Variants in EYA3 observed in about 807,000 individuals in gnomAD.
The protein encoded by EYA3 is protein phosphatase EYA3.
A neutral mutation model predicts 80.0 loss-of-function variants in EYA3; 39 were observed. That is an observed-to-expected ratio of 0.49 (90% CI 0.38 to 0.64). The LOEUF is 0.64. Among genes scored for constraint, EYA3 ranks in the 30% least tolerant of loss-of-function variants. The pLI is 0.00. For missense variants in EYA3, 523 were observed against 676.1 expected, an observed-to-expected ratio of 0.77 and a Z score of 2.51; for synonymous variants, 206 against 232.8, an observed-to-expected ratio of 0.88 and a Z score of 1.05.
chr1:28,060,751 C>A (rs1644590701), intron 1 of EYA3, among the ~76,000 whole-genome samples: 1 of 152,172 alleles, frequency 6.6e-6, no homozygotes, highest in Admixed American at 6.5e-5. Flanking sequence ...CATGGTGGCT[C>A]ATGCCTGTAA....
At chr1:28,012,879 T>G (rs1289983135) in intron 9 of EYA3, among the ~76,000 whole-genome samples, 1 of 152,014 alleles carries the variant, frequency 6.6e-6, no homozygotes, top group Admixed American at 6.6e-5. Flanking sequence ...AGAGTACGAG[T>G]CAGAAAGAGT....
At chr1:28,056,588 A>G (rs1644446381) in intron 2 of EYA3, among the ~76,000 whole-genome samples, 1 of 152,232 alleles carries the variant, frequency 6.6e-6, no homozygotes. Flanking sequence ...ACAACCATTT[A>G]TAGTCAGCAG....
At chr1:27,987,061 G>A (rs924866888) in intron 16 of EYA3, among the ~76,000 whole-genome samples, 1 of 152,132 alleles carries the variant, frequency 6.6e-6, no homozygotes, top group African/African-American at 2.4e-5. Flanking sequence ...CAGATGTCTG[G>A]AACCTTTTCA....
At chr1:28,063,919 G>A (rs949279572) in intron 1 of EYA3, among the ~76,000 whole-genome samples, 26 of 151,896 alleles carry the variant, frequency 1.7e-4, no homozygotes, top group African/African-American at 6.0e-4. Context: ...AACTTTGGGG[G>A]GGAAGGTAGA....
At chr1:28,038,439 T>A (rs868464266) in intron 5 of EYA3, among the ~76,000 whole-genome samples, 6,191 of 68,256 alleles carry the variant, frequency 0.091, 304 homozygotes, top group Non-Finnish European at 0.12. Context: ...GATTCTATCT[T>A]AAAAAAAAAA....
Position 28,058,063 on chromosome 1 carries a change from G to T in EYA3, c.-37C>A. 6.5e-7 allele frequency: 1 copy of T among 1,535,490 alleles called. No homozygotes were observed. The highest frequency in any genetic ancestry group is 8.8e-7 in the Non-Finnish European group (1 of 1,133,376). On this transcript the variant is annotated 5_prime_UTR_variant, in exon 2 of 18. Coordinates refer to ENST00000373871, the MANE Select transcript of EYA3 (RefSeq NM_001990.4). ...TTTCTTTATTATACTTATGTGACTG[G>T]ATTGCAAGTCTCTCTCAGCAGTTTT...
chr1:28,029,325 T>C (rs944976471), intron 6 of EYA3, among the ~76,000 whole-genome samples: 2 of 152,240 alleles, frequency 1.3e-5, no homozygotes, highest in Admixed American at 1.3e-4. Flanking sequence ...TACTGTGATG[T>C]GTAAAGACAA....
intron 2 of EYA3, among the ~76,000 whole-genome samples, chr1:28,050,780 T>C (rs772193969): frequency 1.5e-4 from 23 of 152,166 alleles, no homozygotes; most frequent in Non-Finnish European, 2.4e-4. Flanking sequence ...ATGTACTAAC[T>C]AGGCAGTAGA....
At chr1:27,993,315 C>T in intron 14 of EYA3, 85 bp downstream of exon 14, 1 of 1,365,390 alleles carries the variant, frequency 7.3e-7, no homozygotes. Context: ...AAGCAGTTGT[C>T]ATGGGGAATC....
intron 2 of EYA3, among the ~76,000 whole-genome samples, chr1:28,050,083 G>A (rs1644180151): frequency 1.3e-5 from 2 of 150,590 alleles, no homozygotes; most frequent in Admixed American, 6.6e-5. Context: ...TTTTATTAGA[G>A]GTATAGAGCA....
At chr1:28,007,555 G>C (rs1279435816) in intron 10 of EYA3, among the ~76,000 whole-genome samples, 1 of 151,824 alleles carries the variant, frequency 6.6e-6, no homozygotes, top group Non-Finnish European at 1.5e-5. Context: ...GGCCGGTCTT[G>C]AACTCCTGAC....
In EYA3 at chr1:28,042,640, T is replaced by C. The variant is rs571957606; in HGVS notation, c.88A>G (p.Asn30Asp). 4 of 1,613,980 alleles carry C rather than the reference T, an allele frequency of 2.5e-6. No individual in the cohort carries two copies. Among genetic ancestry groups the C allele is most frequent in the Non-Finnish European group, 3.4e-6 (4 of 1,179,954 alleles). The change falls in exon 4 of 18, where the codon AAT becomes GAT. Residue 30 changes from asparagine (N) to aspartate (D), a missense_variant. Asn to Asp is a conservative substitution (Grantham distance 23, BLOSUM62 1). This residue lies in a region of EYA3 where 304 missense variants were observed against 343.3 expected (regional missense o/e 0.89). Coordinates refer to ENST00000373871, the MANE Select transcript of EYA3 (RefSeq NM_001990.4). ...GGCTTCTGATCACTGACATCTGGAT[T>C]GCTTACTTGACTGGGAGAACCAAAA... Reference protein sequence around the residue: ...SGEQTISQVSNPDVSDQKPET... With the variant: ...SGEQTISQVSDPDVSDQKPET...
intron 1 of EYA3, among the ~76,000 whole-genome samples, chr1:28,070,617 TG>T (rs1041068892): frequency 6.3e-5 from 9 of 142,294 alleles, no homozygotes; most frequent in African/African-American, 1.5e-4. Context: ...TACATACAGC[TG>T]AAAAAAAAAT....
intron 1 of EYA3, among the ~76,000 whole-genome samples, chr1:28,077,638 G>GAAA (rs200519790): frequency 6.6e-4 from 98 of 148,414 alleles, no homozygotes; most frequent in Non-Finnish European, 1.1e-3. Flanking sequence ...CAAGTGACAT[G>GAAA]AAAAAAAAAC....
intron 16 of EYA3, 90 bp downstream of exon 16, chr1:27,988,445 C>G (rs1639811775): frequency 7.0e-7 from 1 of 1,436,158 alleles, no homozygotes; most frequent in African/African-American, 1.4e-5. Context: ...AATAAAGTGT[C>G]TAACAAGAGG....
rs1390442141 is a variant in EYA3 at position 27,971,263 on chromosome 1, A to T, written c.*3203T>A. On this transcript the variant is annotated 3_prime_UTR_variant, in exon 18 of 18. Coordinates refer to ENST00000373871, the MANE Select transcript of EYA3 (RefSeq NM_001990.4). The stretch of plus-strand genomic sequence containing the variant: ...TCACTCCAGATCTACTACTAGAGAG[A>T]GCCCTCACCGTGACATTACAGACCC... 6.6e-6 allele frequency: 1 copy of T among 152,196 alleles called. No homozygotes were observed. Among genetic ancestry groups the T allele is most frequent in the Non-Finnish European group, 1.5e-5 (1 of 68,114 alleles). The allele number at this position is 152,196 out of a possible 1,614,324, so 9.4% of individuals were successfully genotyped here. A position where few individuals can be genotyped will look rare whatever the true frequency, so the allele number is the denominator to read the frequency against.
chr1:28,053,153 C>CAAAAAAAAAAAAAAAAA (rs34075939), intron 2 of EYA3, among the ~76,000 whole-genome samples: 1 of 72,526 alleles, frequency 1.4e-5, no homozygotes, highest in East Asian at 3.8e-4. Flanking sequence ...GACCCCGTCT[C>CAAAAAAAAAAAAAAAAA]AAAAAAAAAA....
intron 7 of EYA3, among the ~76,000 whole-genome samples, chr1:28,020,248 T>G (rs1426058846): frequency 1.3e-5 from 2 of 152,226 alleles, no homozygotes; most frequent in African/African-American, 2.4e-5. Context: ...TAACAAGTAC[T>G]GTATTAAAAT....
intron 8 of EYA3, 138 bp downstream of exon 8, chr1:28,017,016 C>A: frequency 1.6e-6 from 1 of 643,448 alleles, no homozygotes; most frequent in Non-Finnish European, 2.7e-6. Flanking sequence ...GGTCCGAGTT[C>A]TGAAGGTATC....
Sources: allele counts gnomAD v4.1 joint callset (sites outside exome capture counted in the v4.1 genomes callset), GRCh38; gene constraint gnomAD v4.1.1; regional missense constraint gnomAD v4.1.1; transcripts MANE v1.5; gene names NCBI Gene and HGNC (gene_info 2026-07-23, HGNC 2026-07-21).